HTRA1: variants seen among roughly 807,000 people sequenced by gnomAD.
HTRA1 encodes serine protease HTRA1.
Under a neutral mutation model 49.7 loss-of-function variants are expected in HTRA1, and 26 were observed. The ratio of observed to expected loss-of-function variants is 0.52; its 90% CI spans 0.38 to 0.73. HTRA1 has a LOEUF of 0.73. HTRA1 is among the 30% of genes least tolerant of loss of function. The probability of loss-of-function intolerance (pLI) is 0.00; values close to 1 mark genes in which losing one functional copy is unlikely to be tolerated. For missense variants in HTRA1, 561 were observed against 667.2 expected (o/e 0.84, Z 1.75); for synonymous variants, 291 against 286.9 (o/e 1.01, Z -0.14).
Position 122,487,357 on chromosome 10 carries a change from G to A in HTRA1, c.473-1545G>A, listed in dbSNP as rs1176049649. On this transcript the variant is annotated intron_variant, in intron 1 of 8. Transcript: ENST00000368984. The surrounding 1 kb of genome is among the most constrained non-coding windows in gnomAD (Gnocchi z 4.8). ...GCAAGATTAGGAGCCGGAGTAGTAG[G>A]CTAAGGCTGCACTTCCAGGGACACA... Among the ~76,000 whole-genome samples the A allele has an allele frequency of 6.6e-6, 1 of 152,190 alleles. No homozygotes were observed. Among genetic ancestry groups the A allele is most frequent in the East Asian group, 1.9e-4 (1 of 5,192 alleles).
chr10:122,472,965 A>G (rs568657748), intron 1 of HTRA1, among the ~76,000 whole-genome samples: 3 of 152,354 alleles, frequency 2.0e-5, no homozygotes, highest in African/African-American at 2.4e-5. Flanking sequence ...CATCAGCTCT[A>G]GAATTTCAAC....
rs2097482743 is a variant in HTRA1 at position 122,464,100 on chromosome 10, A to C, written c.472+1976A>C. On this transcript the variant is annotated intron_variant, in intron 1 of 8. Transcript: ENST00000368984. The surrounding 1 kb of genome is among the most constrained non-coding windows in gnomAD (Gnocchi z 4.8). ...GCATCCAGGGTGGAGAGTTTAGACT[A>C]CTGCAATAATCTGGGTGTGAGGCGA... is the stretch of plus-strand genomic sequence containing the variant. Among the ~76,000 whole-genome samples the C allele has an allele frequency of 6.6e-6, 1 of 152,178 alleles. No homozygotes were observed. Among genetic ancestry groups the C allele is most frequent in the African/African-American group, 2.4e-5 (1 of 41,444 alleles).
At chr10:122,488,733 G>C (rs2097494274) in intron 1 of HTRA1, among the ~76,000 whole-genome samples, 169 bp from the exon 2 acceptor site, 2 of 152,190 alleles carry the variant, frequency 1.3e-5, no homozygotes, top group African/African-American at 4.8e-5. Context: ...GCACTCCCTT[G>C]GGAGGTGGAT....
chr10:122,479,263 G>A (rs937033064), intron 1 of HTRA1, among the ~76,000 whole-genome samples: 28 of 152,166 alleles, frequency 1.8e-4, no homozygotes, highest in Non-Finnish European at 2.9e-4. Context: ...TGTGGGCTGC[G>A]GGGGGCTGGA....
chr10:122,475,780 T>C (rs2672588), intron 1 of HTRA1, among the ~76,000 whole-genome samples: 40,940 of 152,190 alleles, frequency 0.27, 5,848 homozygotes, highest in African/African-American at 0.34. Context: ...CCCTGGAATG[T>C]GCAGTACCAG....
At chr10:122,477,371 G>A (rs886666116) in intron 1 of HTRA1, among the ~76,000 whole-genome samples, 2 of 152,142 alleles carry the variant, frequency 1.3e-5, no homozygotes, top group Non-Finnish European at 2.9e-5. Flanking sequence ...CCTCCAGTAT[G>A]TACCTCCCAC....
chr10:122,508,344 G>A (rs2097504079), intron 5 of HTRA1, among the ~76,000 whole-genome samples: 1 of 152,246 alleles, frequency 6.6e-6, no homozygotes, highest in Non-Finnish European at 1.5e-5. Context: ...AGGAGTTTGA[G>A]CCTTTGGAAA....
chr10:122,492,570 G>A (rs1459253403), intron 3 of HTRA1, among the ~76,000 whole-genome samples: 4 of 152,144 alleles, frequency 2.6e-5, no homozygotes, highest in Non-Finnish European at 5.9e-5. Context: ...CTGACCTCAG[G>A]TGATCCACCT....
At chr10:122,477,186 C>G (rs550070590) in intron 1 of HTRA1, among the ~76,000 whole-genome samples, 71 of 152,026 alleles carry the variant, frequency 4.7e-4, no homozygotes, top group Non-Finnish European at 7.9e-4. Flanking sequence ...CCAGGACGGT[C>G]TCGATCTCCT....
chr10:122,486,669 G>A (rs1337166041), intron 1 of HTRA1, among the ~76,000 whole-genome samples: 1 of 152,200 alleles, frequency 6.6e-6, no homozygotes, highest in Non-Finnish European at 1.5e-5. Context: ...CAAGAGGGCT[G>A]GGACGTCTCA....
chr10:122,474,901 C>A (rs2097487742), intron 1 of HTRA1, among the ~76,000 whole-genome samples: 1 of 151,810 alleles, frequency 6.6e-6, no homozygotes, highest in Admixed American at 6.6e-5. Context: ...TTTTTCTTTG[C>A]CAGTGAGTCT....
intron 3 of HTRA1, among the ~76,000 whole-genome samples, chr10:122,505,189 T>C (rs2097502535): frequency 2.6e-5 from 4 of 152,196 alleles, no homozygotes; most frequent in Non-Finnish European, 5.9e-5. Flanking sequence ...TGAGTGGTCA[T>C]AAGCTCAGGC....
intron 3 of HTRA1, among the ~76,000 whole-genome samples, chr10:122,498,446 T>C (rs1166600068): frequency 6.6e-6 from 1 of 152,186 alleles, no homozygotes; most frequent in Non-Finnish European, 1.5e-5. Context: ...CCCTTGACTT[T>C]GTGATCACTG....
At position 122,494,173 on chromosome 10, in the gene HTRA1, G is replaced by A. The variant is rs1278340925; in HGVS notation, c.777+4547G>A. On this transcript the variant is annotated intron_variant, in intron 3 of 8. Coordinates refer to ENST00000368984, the MANE Select transcript of HTRA1 (RefSeq NM_002775.5). This position sits in a 1 kb window ranked among gnomAD's most constrained non-coding sequence, Gnocchi z 4.0. ...CGTCTATTTATCACAATTTAGAGTC[G>A]CCTCACTCATTTGTCAAATGAAGTT... Among the ~76,000 whole-genome samples the A allele has an allele frequency of 1.3e-5, 2 of 152,032 alleles. No individual in the cohort carries two copies. The highest frequency in any genetic ancestry group is 1.9e-4 in the East Asian group (1 of 5,172).
intron 1 of HTRA1, among the ~76,000 whole-genome samples, chr10:122,465,619 G>C (rs2097483453): frequency 6.6e-6 from 1 of 152,206 alleles, no homozygotes; most frequent in Non-Finnish European, 1.5e-5. Flanking sequence ...CCAGATGGCT[G>C]TGGCTTAGAG....
rs2248799 is a variant in HTRA1, at chr10:122,464,428, C to T, written c.472+2304C>T. Among the ~76,000 whole-genome samples the T allele has an allele frequency of 0.52, 78,259 of 151,914 alleles. 20,513 individuals carry two copies. Among genetic ancestry groups the T allele is most frequent in the East Asian group, 0.75 (3,842 of 5,136 alleles). The stretch of plus-strand genomic sequence containing the variant: ...GAGACAGAGTGGGTACAATGCTTTT[C>T]TTATCCCTCCCTCCTTCTTTTGCAA... On this transcript the variant is annotated intron_variant, in intron 1 of 8. Transcript: ENST00000368984. The surrounding 1 kb of genome is among the most constrained non-coding windows in gnomAD (Gnocchi z 4.8).
At position 122,464,165 on chromosome 10, in the gene HTRA1, C is replaced by T. The variant is rs1033713679; in HGVS notation, c.472+2041C>T. 6.6e-6 allele frequency among the ~76,000 whole-genome samples: 1 copy of T among 152,210 alleles called. No homozygotes were observed. Among genetic ancestry groups the T allele is most frequent in the African/African-American group, 2.4e-5 (1 of 41,456 alleles). On this transcript the variant is annotated intron_variant, in intron 1 of 8. Transcript: ENST00000368984. This position sits in a 1 kb window ranked among gnomAD's most constrained non-coding sequence, Gnocchi z 4.8. ...CATGTTTTTGTCCAAAACAAGCCAGCTGTTACTGGTCTCGCTGTTTGTGGT... is the reference window on the plus strand; with the variant it reads ...CATGTTTTTGTCCAAAACAAGCCAGTTGTTACTGGTCTCGCTGTTTGTGGT...
rs1411104741 is a variant in HTRA1 at position 122,496,268 on chromosome 10, G to C, written c.777+6642G>C. On this transcript the variant is annotated intron_variant, in intron 3 of 8. Coordinates refer to ENST00000368984, the MANE Select transcript of HTRA1 (RefSeq NM_002775.5). ...TTTTTTTTTTTTTTTTTGCAGAGAT[G>C]AAGCTTTGATCTTGTCACAATAGCA... is the stretch of plus-strand genomic sequence containing the variant. 9.2e-5 allele frequency among the ~76,000 whole-genome samples: 5 copies of C among 54,504 alleles called. No individual in the cohort carries two copies. The Admixed American group carries it at 1.1e-3, about 12-fold the overall frequency. The allele number at this position is 54,504 out of a possible 152,430, so 35.8% of individuals were successfully genotyped here.
Position 122,474,564 on chromosome 10 carries a change from C to T in HTRA1, c.472+12440C>T, listed in dbSNP as rs186226638. On this transcript the variant is annotated intron_variant, in intron 1 of 8. Coordinates refer to ENST00000368984, the MANE Select transcript of HTRA1 (RefSeq NM_002775.5). Reference sequence around the variant, plus strand: ...GAGGGCTAGGGAGACTGAACAGCCCCGGCAGCTCCAGACATAACAACCTAT... The same window carrying T: ...GAGGGCTAGGGAGACTGAACAGCCCTGGCAGCTCCAGACATAACAACCTAT... Among the ~76,000 whole-genome samples, 108 of 152,288 alleles carry T rather than the reference C, an allele frequency of 7.1e-4. 1 individual carries two copies. In the East Asian group the frequency reaches 0.017, roughly 24 times the overall value.
Sources: gnomAD v4.1 joint callset for allele counts (sites outside exome capture counted in the v4.1 genomes callset) on GRCh38, gnomAD v4.1.1 for gene constraint, Gnocchi (gnomAD v3.1) non-coding constraint, MANE v1.5 for transcripts, NCBI Gene and HGNC (gene_info 2026-07-23, HGNC 2026-07-21) for gene names.